PRR16: variants seen among roughly 807,000 people sequenced by gnomAD.
PRR16 encodes the protein proline rich 16, also known as protein Largen.
PRR16 carries 6 observed loss-of-function variants against 18.2 expected under a neutral mutation model. That is an observed-to-expected ratio of 0.33 (90% CI 0.18 to 0.65). PRR16 has a LOEUF of 0.65. Among genes scored for constraint, PRR16 ranks in the 30% least tolerant of loss-of-function variants. PRR16 has a pLI of 0.74. For missense variants in PRR16, 412 were observed against 376.6 expected, an observed-to-expected ratio of 1.09 and a Z score of -0.78; for synonymous variants, 151 against 147.8, an observed-to-expected ratio of 1.02 and a Z score of -0.16.
At chr5:120,704,663 A>G in the PRR16 span, among the ~76,000 whole-genome samples, 1 of 152,124 alleles carries the variant, frequency 6.6e-6, no homozygotes, top group African/African-American at 2.4e-5. Flanking sequence ...CTGATCCCCA[A>G]CCTGGACCAA....
At chr5:120,713,787 A>G in the PRR16 span, among the ~76,000 whole-genome samples, 5 of 152,192 alleles carry the variant, frequency 3.3e-5, no homozygotes, top group Admixed American at 1.3e-4. Context: ...GTATATGACT[A>G]CTATAACAAT....
chr5:120,504,468 C>A (rs1750574759), intron 1 of PRR16, among the ~76,000 whole-genome samples: 1 of 152,092 alleles, frequency 6.6e-6, no homozygotes, highest in South Asian at 2.1e-4. Flanking sequence ...AAGTCTTTTT[C>A]ATCTACTGTC....
the PRR16 span, among the ~76,000 whole-genome samples, chr5:120,712,941 C>T: frequency 3.0e-3 from 461 of 152,142 alleles, 1 homozygote; most frequent in Admixed American, 5.6e-3. Context: ...AAAAATAGAA[C>T]GGCCATATGA....
the PRR16 span, among the ~76,000 whole-genome samples, chr5:120,745,865 ATTT>A: frequency 1.6e-5 from 2 of 127,488 alleles, no homozygotes; most frequent in Admixed American, 8.1e-5. Flanking sequence ...CGCCCGGGTA[ATTT>A]TTTTTTTTTT....
At chr5:120,782,741 C>T in the PRR16 span, among the ~76,000 whole-genome samples, 1 of 152,010 alleles carries the variant, frequency 6.6e-6, no homozygotes, top group Admixed American at 6.6e-5. Context: ...CAAACAGAGC[C>T]CTGAATTTTA....
chr5:120,689,847 C>T (rs1418203381), downstream of PRR16, among the ~76,000 whole-genome samples: 7 of 151,222 alleles, frequency 4.6e-5, no homozygotes, highest in African/African-American at 1.7e-4. Flanking sequence ...ATAAAAATTG[C>T]CCAAAGTTAT....
intron 1 of PRR16, among the ~76,000 whole-genome samples, chr5:120,497,384 A>ATTTTTTTTTT (rs765496177): frequency 5.9e-5 from 5 of 84,168 alleles, no homozygotes; most frequent in African/African-American, 2.2e-4. Flanking sequence ...TGATGAACTG[A>ATTTTTTTTTT]TTTTTTTTTT....
chr5:120,710,243 T>A, the PRR16 span, among the ~76,000 whole-genome samples: 1 of 152,216 alleles, frequency 6.6e-6, no homozygotes. Flanking sequence ...TGATTAGTGA[T>A]GTTTAGCATC....
In PRR16 at chr5:120,577,401, G is replaced by A. The variant is rs868450357; in HGVS notation, c.160-108553G>A. ...AGAATGATCTTGGTGCACCCATCAC[G>A]CCCACAGACAATAATTTGACTGGCA... On this transcript the variant is annotated intron_variant, in intron 1 of 1. Transcript: ENST00000407149. Among the ~76,000 whole-genome samples the A allele has an allele frequency of 1.7e-4, 25 of 151,508 alleles. No homozygotes were observed. The East Asian group carries it at 2.5e-3, about 15-fold the overall frequency.
At chr5:120,541,355 A>G (rs527688155) in intron 1 of PRR16, among the ~76,000 whole-genome samples, 1 of 152,318 alleles carries the variant, frequency 6.6e-6, no homozygotes, top group African/African-American at 2.4e-5. Context: ...TATGTTGGCC[A>G]GGCTGGTCTC....
Position 120,682,152 on chromosome 5 carries a change from A to G in PRR16, c.160-3802A>G, listed in dbSNP as rs147667749. Among the ~76,000 whole-genome samples the G allele has an allele frequency of 2.6e-5, 4 of 152,280 alleles. No homozygotes were observed. In the East Asian group the frequency reaches 7.7e-4, roughly 30 times the overall value. On this transcript the variant is annotated intron_variant, in intron 1 of 1. Coordinates refer to ENST00000407149, the MANE Select transcript of PRR16 (RefSeq NM_001300783.2). Reference sequence around the variant, plus strand: ...GCCCTTGAGCCAAAACAGTCTTTAAATCACTCACACTCAGGTGATCTCTTC... The same window carrying G: ...GCCCTTGAGCCAAAACAGTCTTTAAGTCACTCACACTCAGGTGATCTCTTC...
chr5:120,729,679 A>G, the PRR16 span, among the ~76,000 whole-genome samples: 1 of 152,160 alleles, frequency 6.6e-6, no homozygotes, highest in African/African-American at 2.4e-5. Context: ...CTCCCATATA[A>G]GTCTTAAAAC....
chr5:120,623,751 A>G (rs186393714), intron 1 of PRR16, among the ~76,000 whole-genome samples: 26 of 152,216 alleles, frequency 1.7e-4, no homozygotes, highest in Middle Eastern at 3.4e-3. Context: ...GTGTTTTCCA[A>G]TGTAGGTAAA....
At chr5:120,478,473 A>G (rs1749512099) in intron 1 of PRR16, among the ~76,000 whole-genome samples, 1 of 152,160 alleles carries the variant, frequency 6.6e-6, no homozygotes, top group African/African-American at 2.4e-5. Flanking sequence ...AATAGCTAGT[A>G]TCCTGAATGC....
At chr5:120,774,419 T>A in the PRR16 span, among the ~76,000 whole-genome samples, 41,062 of 151,842 alleles carry the variant, frequency 0.27, 5,868 homozygotes, top group Non-Finnish European at 0.32. Context: ...TTTCTTATGT[T>A]GGAGTTTTAT....
the PRR16 span, among the ~76,000 whole-genome samples, chr5:120,757,644 T>A: frequency 3.9e-5 from 6 of 152,108 alleles, no homozygotes; most frequent in African/African-American, 1.4e-4. Flanking sequence ...ACACAAATAT[T>A]TCTAAACACA....
intron 1 of PRR16, among the ~76,000 whole-genome samples, chr5:120,507,497 A>G (rs10477605): frequency 0.27 from 41,503 of 151,916 alleles, 6,992 homozygotes; most frequent in African/African-American, 0.48. Flanking sequence ...TCATCAATTT[A>G]TTTTGATCAT....
At chr5:120,615,384 C>CTTTTTTTTTTTTT (rs10717083) in intron 1 of PRR16, among the ~76,000 whole-genome samples, 1 of 119,456 alleles carries the variant, frequency 8.4e-6, no homozygotes, top group African/African-American at 3.1e-5. Context: ...TCTTTCTTTT[C>CTTTTTTTTTTTTT]TTTTTTTTTT....
the PRR16 span, among the ~76,000 whole-genome samples, chr5:120,720,722 T>C: frequency 6.6e-6 from 1 of 152,036 alleles, no homozygotes; most frequent in Non-Finnish European, 1.5e-5. Context: ...TTATGCAAAA[T>C]TTTATTATAT....
Sources: allele counts gnomAD v4.1 joint callset (sites outside exome capture counted in the v4.1 genomes callset), GRCh38; gene constraint gnomAD v4.1.1; transcripts MANE v1.5; gene names NCBI Gene and HGNC (gene_info 2026-07-23, HGNC 2026-07-21).